Variants in KLF7 observed in about 807,000 individuals in gnomAD.
KLF7 encodes Krueppel-like factor 7.
Under a neutral mutation model 27.3 loss-of-function variants are expected in KLF7, and 2 were observed. The observed-to-expected ratio is 0.07, with a 90% CI of 0.03 to 0.23. The LOEUF (loss-of-function observed/expected upper bound fraction) is 0.23. Ranked by LOEUF, KLF7 falls within the 10% of genes least tolerant of loss-of-function variation. The pLI, the probability that KLF7 is intolerant of heterozygous loss-of-function variation, is 1.00. For missense variants in KLF7, 221 were observed against 394.1 expected, an observed-to-expected ratio of 0.56 and a Z score of 3.72; for synonymous variants, 165 against 162.4, an observed-to-expected ratio of 1.02 and a Z score of -0.12.
At chr2:207,154,302 T>C (rs955016523) in intron 1 of KLF7, among the ~76,000 whole-genome samples, 17 of 151,886 alleles carry the variant, frequency 1.1e-4, no homozygotes, top group Admixed American at 7.9e-4. Flanking sequence ...TTCTGGCTCT[T>C]AAAAAAAATA....
chr2:207,166,827 G>GAAGC (rs942897108), upstream of KLF7: 47 of 1,021,098 alleles, frequency 4.6e-5, no homozygotes, highest in African/African-American at 7.7e-4. Flanking sequence ...GTGCAGAGAA[G>GAAGC]AAGCGCCTGA....
At chr2:207,151,923 AATGAT>A (rs2078258490) in intron 1 of KLF7, among the ~76,000 whole-genome samples, 1 of 152,134 alleles carries the variant, frequency 6.6e-6, no homozygotes, top group Non-Finnish European at 1.5e-5. Flanking sequence ...GGTCAACCTA[AATGAT>A]ATCCTTAGTA....
At position 207,078,743 on chromosome 2, in the gene KLF7, A is replaced by G. The variant is rs1233077699; in HGVS notation, c.*2470T>C. ...GACTGGAGGCGCTACAGTTTAATACAGCTGAGGTTCAAGGTCCCTCACACA... is the reference window on the plus strand; with the variant it reads ...GACTGGAGGCGCTACAGTTTAATACGGCTGAGGTTCAAGGTCCCTCACACA... On this transcript the variant is annotated 3_prime_UTR_variant, in exon 4 of 4. Transcript: ENST00000309446. 1.3e-5 allele frequency: 2 copies of G among 152,216 alleles called. No homozygotes were observed. The highest frequency in any genetic ancestry group is 2.9e-5 in the Non-Finnish European group (2 of 68,034). The allele number at this position is 152,216 out of a possible 1,614,324, so 9.4% of individuals were successfully genotyped here. A position where few individuals can be genotyped will look rare whatever the true frequency, so the allele number is the denominator to read the frequency against.
Position 207,079,940 on chromosome 2 carries a change from C to T in KLF7, c.*1273G>A, listed in dbSNP as rs2076240192. ...GACAGGATGATCTTTTGTGAAGCCA[C>T]TAGACTTGGGAGGCATCCTCAGTTT... On this transcript the variant is annotated 3_prime_UTR_variant, in exon 4 of 4. Coordinates refer to ENST00000309446, the MANE Select transcript of KLF7 (RefSeq NM_003709.4). The T allele has an allele frequency of 6.6e-6, 1 of 152,200 alleles. No homozygotes were observed. Among genetic ancestry groups the T allele is most frequent in the Non-Finnish European group, 1.5e-5 (1 of 68,032 alleles). 9.4% of individuals were successfully genotyped at this position (152,200 alleles called of 1,614,324 possible).
intron 1 of KLF7, 64 bp downstream of exon 1, chr2:207,165,403 C>A: frequency 6.2e-7 from 1 of 1,610,662 alleles, no homozygotes. Context: ...AGAGCCCACA[C>A]CAACGCAGCC....
At chr2:207,103,524 T>C (rs1399675338) in intron 2 of KLF7, among the ~76,000 whole-genome samples, 3 of 152,254 alleles carry the variant, frequency 2.0e-5, no homozygotes, top group Admixed American at 6.5e-5. Context: ...ATCTAATTAA[T>C]TCAAAGCTTA....
In KLF7 at chr2:207,165,627, T is replaced by C; in HGVS notation, c.-59A>G. ...CCTCCCCCGAACACAGTTGGGGCTG[T>C]TTGTTTGTCAGTCTGTCTGGCTCAC... On this transcript the variant is annotated 5_prime_UTR_variant, in exon 1 of 4. Coordinates refer to ENST00000309446, the MANE Select transcript of KLF7 (RefSeq NM_003709.4). The C allele has an allele frequency of 6.2e-7, 1 of 1,608,046 alleles. No individual in the cohort carries two copies.
chr2:207,172,630 G>C, the KLF7 span, among the ~76,000 whole-genome samples: 1 of 152,130 alleles, frequency 6.6e-6, no homozygotes, highest in African/African-American at 2.4e-5. Flanking sequence ...GGGTCATTTT[G>C]TAAAAATGTT....
chr2:207,089,891 G>A (rs1359673705), intron 2 of KLF7, among the ~76,000 whole-genome samples: 1 of 152,116 alleles, frequency 6.6e-6, no homozygotes, highest in East Asian at 1.9e-4. Flanking sequence ...AAAGTACTAT[G>A]GCATCCCATT....
intron 3 of KLF7, among the ~76,000 whole-genome samples, chr2:207,085,464 C>A (rs2076366702): frequency 6.6e-6 from 1 of 152,176 alleles, no homozygotes; most frequent in African/African-American, 2.4e-5. Context: ...GCCTCCAACT[C>A]TGTGGGTTGA....
intron 2 of KLF7, among the ~76,000 whole-genome samples, chr2:207,090,362 TG>T (rs2076483249): frequency 6.6e-6 from 1 of 152,228 alleles, no homozygotes; most frequent in Non-Finnish European, 1.5e-5. Flanking sequence ...ACATAACCTT[TG>T]GAGTCAGCCT....
At chr2:207,170,691 G>T (rs2078778965), upstream of KLF7, among the ~76,000 whole-genome samples, 1 of 152,070 alleles carries the variant, frequency 6.6e-6, no homozygotes. Context: ...CTCTACCTGT[G>T]TTCTATAAAT....
intron 1 of KLF7, 51 bp downstream of exon 1, chr2:207,165,416 T>G: frequency 1.2e-6 from 2 of 1,612,938 alleles, no homozygotes; most frequent in Non-Finnish European, 1.7e-6. Context: ...ACGCAGCCCC[T>G]GCGTCTCCGC....
At chr2:207,101,326 C>G (rs1277930639) in intron 2 of KLF7, among the ~76,000 whole-genome samples, 2 of 152,168 alleles carry the variant, frequency 1.3e-5, no homozygotes, top group Non-Finnish European at 2.9e-5. Flanking sequence ...TGCATACATA[C>G]AAAGAACATG....
At position 207,165,763 on chromosome 2, in the gene KLF7, G is replaced by A. The variant is rs2106160404; in HGVS notation, c.-195C>T. 7.0e-7 allele frequency: 1 copy of A among 1,436,280 alleles called. No homozygotes were observed. Among genetic ancestry groups the A allele is most frequent in the East Asian group, 2.5e-5 (1 of 39,740 alleles). The allele number at this position is 1,436,280 out of a possible 1,614,324, so 89.0% of individuals were successfully genotyped here. A position where few individuals can be genotyped will look rare whatever the true frequency, so the allele number is the denominator to read the frequency against. ...GAGGGAGAGAGGAGGTGAGAGAGGA[G>A]CGAGTGAGTGGGGTGGATGGAGAGA... On this transcript the variant is annotated 5_prime_UTR_variant, in exon 1 of 4. Coordinates refer to ENST00000309446, the MANE Select transcript of KLF7 (RefSeq NM_003709.4).
At chr2:207,134,947 G>A (rs2077744468) in intron 1 of KLF7, among the ~76,000 whole-genome samples, 1 of 152,226 alleles carries the variant, frequency 6.6e-6, no homozygotes, top group African/African-American at 2.4e-5. Flanking sequence ...TCTGTATGTT[G>A]TAGCTATTCA....
chr2:207,135,646 T>C (rs1559151375), intron 1 of KLF7, among the ~76,000 whole-genome samples: 1 of 152,192 alleles, frequency 6.6e-6, no homozygotes, highest in South Asian at 2.1e-4. Context: ...ATCACAATCC[T>C]GGGTAGGAAG....
chr2:207,116,920 A>G (rs1212033129), intron 2 of KLF7, among the ~76,000 whole-genome samples: 2 of 152,204 alleles, frequency 1.3e-5, no homozygotes. Flanking sequence ...AGTTCCAAAT[A>G]TAATGATTTT....
In KLF7 at chr2:207,152,809, C is replaced by T. The variant is rs1184975334; in HGVS notation, c.102+12658G>A. Among the ~76,000 whole-genome samples, 73 of 152,044 alleles carry T rather than the reference C, an allele frequency of 4.8e-4. 1 individual carries two copies. The highest frequency in any genetic ancestry group is 4.4e-3 in the Admixed American group (67 of 15,262). On this transcript the variant is annotated intron_variant, in intron 1 of 3. Transcript: ENST00000309446. ...GTCCCCAAATCAGAACATTTTGGAG[C>T]GGAAGGTGCCTTAGAGAGATGCTAG...
Sources: gnomAD v4.1 joint callset for allele counts (sites outside exome capture counted in the v4.1 genomes callset) on GRCh38, gnomAD v4.1.1 for gene constraint, MANE v1.5 for transcripts, NCBI Gene and HGNC (gene_info 2026-07-23, HGNC 2026-07-21) for gene names.